RETREG3: variants seen among roughly 807,000 people sequenced by gnomAD.
RETREG3 encodes reticulophagy regulator family member 3.
RETREG3 carries 23 observed loss-of-function variants against 50.2 expected under a neutral mutation model. The observed-to-expected ratio is 0.46, with a 90% confidence interval of 0.33 to 0.65. The LOEUF (loss-of-function observed/expected upper bound fraction) is 0.65. Among genes scored for constraint, RETREG3 ranks in the 30% least tolerant of loss-of-function variants. The probability of loss-of-function intolerance (pLI) is 0.02; values close to 1 mark genes in which losing one functional copy is unlikely to be tolerated. For missense variants in RETREG3, 546 were observed against 598.0 expected (o/e 0.91, Z 0.91); for synonymous variants, 240 against 234.4 (o/e 1.02, Z -0.22).
intron 2 of RETREG3, among the ~76,000 whole-genome samples, chr17:42,591,198 G>A (rs2093132405): frequency 6.6e-6 from 1 of 152,064 alleles, no homozygotes; most frequent in Non-Finnish European, 1.5e-5. Context: ...CCACTCTCAG[G>A]CTAGGGAAAA....
intron 1 of RETREG3, chr17:42,605,411 TC>T (rs1197668486): frequency 6.6e-6 from 1 of 152,196 alleles, no homozygotes; most frequent in African/African-American, 2.4e-5. Context: ...ATGATCCTCC[TC>T]CCTTTCTTAA....
intron 2 of RETREG3, among the ~76,000 whole-genome samples, chr17:42,589,876 T>A (rs2093128993): frequency 6.6e-6 from 1 of 152,224 alleles, no homozygotes; most frequent in African/African-American, 2.4e-5. Context: ...TTTTCCTCCT[T>A]CCATGTGGTC....
chr17:42,590,838 G>A (rs567459596), intron 2 of RETREG3, among the ~76,000 whole-genome samples: 28 of 152,056 alleles, frequency 1.8e-4, no homozygotes, highest in Admixed American at 7.2e-4. Flanking sequence ...ATGGTGGTGC[G>A]TGCCTGTAAT....
chr17:42,601,087 C>A (rs1049343640), intron 1 of RETREG3, among the ~76,000 whole-genome samples: 11 of 151,978 alleles, frequency 7.2e-5, no homozygotes, highest in Admixed American at 3.9e-4. Context: ...ACCAGCCTGG[C>A]CAACATGGTG....
At chr17:42,607,239 C>A (rs2093169371) in intron 1 of RETREG3, among the ~76,000 whole-genome samples, 1 of 151,940 alleles carries the variant, frequency 6.6e-6, no homozygotes, top group South Asian at 2.1e-4. Flanking sequence ...TGGCTCATGC[C>A]TATAATCCCA....
intron 4 of RETREG3, chr17:42,586,502 G>A: frequency 2.4e-6 from 1 of 419,430 alleles, no homozygotes; most frequent in Non-Finnish European, 4.3e-6. Context: ...GACACAGAAT[G>A]TACACAAGAA....
At chr17:42,585,755 C>T (rs2093120059) in intron 5 of RETREG3, among the ~76,000 whole-genome samples, 4 of 152,100 alleles carry the variant, frequency 2.6e-5, no homozygotes, top group Admixed American at 1.3e-4. Context: ...CTGACAATAC[C>T]CTGGCTCTAA....
chr17:42,587,022 G>T, intron 3 of RETREG3, 131 bp from the exon 4 acceptor site: 1 of 1,233,408 alleles, frequency 8.1e-7, no homozygotes, highest in Non-Finnish European at 1.1e-6. Flanking sequence ...CTTTGGAGGT[G>T]AAGCATGACT....
At chr17:42,607,499 CAAAAAAAAAAAA>C (rs34542887) in intron 1 of RETREG3, among the ~76,000 whole-genome samples, 2 of 46,938 alleles carry the variant, frequency 4.3e-5, no homozygotes, top group Non-Finnish European at 7.0e-5. Context: ...GACCTTGTCT[CAAAAAAAAAAAA>C]AAAAAAAAAA....
chr17:42,584,100 G>A (rs1044860660), intron 6 of RETREG3, among the ~76,000 whole-genome samples: 2 of 152,128 alleles, frequency 1.3e-5, no homozygotes, highest in Non-Finnish European at 2.9e-5. Flanking sequence ...GAGCCACTGC[G>A]CCCGGCCTGG....
chr17:42,583,007 C>CA (rs1035920156), intron 7 of RETREG3, among the ~76,000 whole-genome samples: 3 of 151,514 alleles, frequency 2.0e-5, no homozygotes, highest in Non-Finnish European at 2.9e-5. Flanking sequence ...GTAACAACAA[C>CA]AAAAAAAATC....
At position 42,592,053 on chromosome 17, in the gene RETREG3, C is replaced by G; in HGVS notation, c.346+3G>C. On this transcript the variant is annotated splice_donor_region_variant and intron_variant, in intron 2 of 8. Transcript: ENST00000309428. ...AGATTGTTCTAAATGCTACCAAACT[C>G]ACCTTTTATTTCAGGCCAGATTTTG... 1 of 1,610,606 alleles carries G rather than the reference C, an allele frequency of 6.2e-7. No individual in the cohort carries two copies. The highest frequency in any genetic ancestry group is 8.5e-7 in the Non-Finnish European group (1 of 1,177,904).
intron 1 of RETREG3, 74 bp from the exon 2 acceptor site, chr17:42,592,236 G>A (rs956210194): frequency 9.8e-6 from 12 of 1,221,874 alleles, no homozygotes; most frequent in South Asian, 6.5e-5. Flanking sequence ...ACGTGTGTAC[G>A]ATGGGCTCTG....
At chr17:42,594,830 G>A (rs1458892853) in intron 1 of RETREG3, among the ~76,000 whole-genome samples, 3 of 151,906 alleles carry the variant, frequency 2.0e-5, no homozygotes, top group South Asian at 2.1e-4. Flanking sequence ...CAGGCTGGGC[G>A]ACAGAGTGGA....
chr17:42,582,946 G>A (rs1233538360), intron 7 of RETREG3, 140 bp from the exon 8 acceptor site: 12 of 1,089,180 alleles, frequency 1.1e-5, no homozygotes, highest in East Asian at 9.9e-5. Flanking sequence ...GTAACTTCCC[G>A]TTGAAAACTC....
intron 1 of RETREG3, among the ~76,000 whole-genome samples, chr17:42,608,111 A>T (rs3760389): frequency 0.52 from 79,792 of 152,100 alleles, 21,050 homozygotes; most frequent in South Asian, 0.64. Flanking sequence ...CAAAAACACA[A>T]TTAAAAAACA....
chr17:42,605,891 T>G (rs995685673), intron 1 of RETREG3, among the ~76,000 whole-genome samples: 1 of 145,010 alleles, frequency 6.9e-6, no homozygotes, highest in African/African-American at 2.6e-5. Context: ...CTCGGGAGGC[T>G]GGGGTGGGAG....
intron 1 of RETREG3, chr17:42,599,114 G>A (rs183788422): frequency 6.6e-6 from 1 of 152,268 alleles, no homozygotes; most frequent in Non-Finnish European, 1.5e-5. Flanking sequence ...CAAGTACTCT[G>A]GAGAAAACAG....
rs779270721 is a variant in RETREG3 at position 42,586,769 on chromosome 17, C to T, written c.500G>A (p.Gly167Asp). ...NVLLFKKQNPGKFCLLSCGIL... is the reference protein window; with the variant it reads ...NVLLFKKQNPDKFCLLSCGIL... ...TGAAAAAGGGAAGAGTCTTACCTTG[C>T]CTGGGTTTTGCTTTTTGAAAAGCAA... Residue 167 changes from glycine to aspartate, a missense_variant, in exon 4 of 9, where the codon GGC (glycine) becomes GAC (aspartate). By Grantham distance (94) the Gly-to-Asp change is moderately conservative. Transcript: ENST00000309428. 6 of 1,613,606 alleles carry T rather than the reference C, an allele frequency of 3.7e-6. No homozygotes were observed. Among genetic ancestry groups the T allele is most frequent in the South Asian group, 2.2e-5 (2 of 91,040 alleles).
Sources: allele counts gnomAD v4.1 joint callset (sites outside exome capture counted in the v4.1 genomes callset), GRCh38; gene constraint gnomAD v4.1.1; transcripts MANE v1.5; gene names NCBI Gene and HGNC (gene_info 2026-07-23, HGNC 2026-07-21).